Variants in DDB2 observed in about 807,000 individuals in gnomAD.
The protein encoded by DDB2 is DNA damage-binding protein 2.
In DDB2, 27 loss-of-function variants were observed where a neutral mutation model predicts 50.5. The ratio of observed to expected loss-of-function variants is 0.53; its 90% CI spans 0.39 to 0.74. The LOEUF is 0.74. Ranked by LOEUF, DDB2 falls within the 30% of genes least tolerant of loss-of-function variation. DDB2 has a pLI of 0.00. For missense variants in DDB2, 424 were observed against 545.6 expected, an observed-to-expected ratio of 0.78 and a Z score of 2.22; for synonymous variants, 176 against 205.5, an observed-to-expected ratio of 0.86 and a Z score of 1.23.
At chr11:47,231,119 C>CAAAAAAAAAAA (rs139290057) in intron 3 of DDB2, among the ~76,000 whole-genome samples, 4 of 58,370 alleles carry the variant, frequency 6.9e-5, no homozygotes, top group Non-Finnish European at 9.4e-5. Flanking sequence ...GCCTTCATCT[C>CAAAAAAAAAAA]AAAAAAAAAA....
At chr11:47,220,880 C>A (rs911069609) in intron 3 of DDB2, 2 of 152,162 alleles carry the variant, frequency 1.3e-5, no homozygotes, top group Non-Finnish European at 2.9e-5. Context: ...ATGTATGGGG[C>A]CAGGCGCAGT....
intron 3 of DDB2, among the ~76,000 whole-genome samples, chr11:47,224,217 C>T (rs1953526655): frequency 6.6e-6 from 1 of 151,872 alleles, no homozygotes; most frequent in Admixed American, 6.6e-5. Flanking sequence ...CACTAAGCTT[C>T]TTTGATTTAT....
Position 47,222,258 on chromosome 11 carries a change from A to G in DDB2, c.456+5209A>G, listed in dbSNP as rs572741981. ...AACTATATATAAATAGAATCATAGA[A>G]TATATGGTCTTTTATTTTTGTTCTA... On this transcript the variant is annotated intron_variant, in intron 3 of 9. Coordinates refer to ENST00000256996, the MANE Select transcript of DDB2 (RefSeq NM_000107.3). 4.6e-5 allele frequency among the ~76,000 whole-genome samples: 7 copies of G among 152,278 alleles called. No individual in the cohort carries two copies. In the South Asian group the frequency reaches 1.5e-3, roughly 32 times the overall value.
intron 3 of DDB2, among the ~76,000 whole-genome samples, chr11:47,222,633 C>T (rs1953502508): frequency 6.6e-6 from 1 of 152,194 alleles, no homozygotes; most frequent in Admixed American, 6.5e-5. Flanking sequence ...GGCGTGAGCC[C>T]CTGCACCCAG....
chr11:47,228,254 A>T (rs1443012703), intron 3 of DDB2, among the ~76,000 whole-genome samples: 1 of 150,720 alleles, frequency 6.6e-6, no homozygotes, highest in Non-Finnish European at 1.5e-5. Flanking sequence ...GCGACAGAGC[A>T]CAACTCTGTC....
At chr11:47,215,472 G>T (rs1360052704) in intron 1 of DDB2, 4 of 636,638 alleles carry the variant, frequency 6.3e-6, no homozygotes, top group Non-Finnish European at 1.1e-5. Context: ...GATGAGCTCC[G>T]TAACAACAGA....
chr11:47,225,680 G>A (rs1343941336), intron 3 of DDB2, among the ~76,000 whole-genome samples: 1 of 151,820 alleles, frequency 6.6e-6, no homozygotes, highest in Non-Finnish European at 1.5e-5. Context: ...GTTTAGTAAT[G>A]TTAACTATAT....
At chr11:47,221,331 T>TGA (rs1953481877) in intron 3 of DDB2, among the ~76,000 whole-genome samples, 1 of 151,732 alleles carries the variant, frequency 6.6e-6, no homozygotes, top group Non-Finnish European at 1.5e-5. Context: ...TGGAGTGCAG[T>TGA]GGTGCGATCT....
At position 47,216,369 on chromosome 11, in the gene DDB2, G is replaced by A; in HGVS notation, c.161G>A (p.Trp54Ter). The A allele has an allele frequency of 1.9e-6, 3 of 1,614,162 alleles. No individual in the cohort carries two copies. The highest frequency in any genetic ancestry group is 2.5e-6 in the Non-Finnish European group (3 of 1,180,036). ...AGAAGATGTGACTCAGACTGCCTCT[G>A]GGTGGGGCTGGCTGGCCCACAGATC... ...PSRRCDSDCL[W>*]VGLAGPQILP... The change falls in exon 2 of 10, where the codon TGG becomes TAG. Residue 54 changes from tryptophan (W) to a stop codon, truncating the protein, a stop_gained. Coordinates refer to ENST00000256996, the MANE Select transcript of DDB2 (RefSeq NM_000107.3). LOFTEE classifies it high-confidence loss of function.
intron 3 of DDB2, among the ~76,000 whole-genome samples, chr11:47,232,382 C>T (rs146929811): frequency 4.0e-5 from 6 of 151,634 alleles, no homozygotes; most frequent in South Asian, 2.1e-4. Flanking sequence ...CCAGACAAAG[C>T]GGCTCATGCC....
chr11:47,215,157 A>G lies in DDB2; in HGVS notation c.21A>G (p.Pro7=). 1 of 1,614,100 alleles carries G rather than the reference A, an allele frequency of 6.2e-7. No individual in the cohort carries two copies. The highest frequency in any genetic ancestry group is 8.5e-7 in the Non-Finnish European group (1 of 1,180,012). Residue 7 remains proline (P), a synonymous_variant, in exon 1 of 10, where the codon CCA becomes CCG. Coordinates refer to ENST00000256996, the MANE Select transcript of DDB2 (RefSeq NM_000107.3). MAPKKR[P]ETQKTSEIVL... ...ACGCGATGGCTCCCAAGAAACGCCC[A>G]GAAACCCAGAAGACCTCCGAGATTG...
intron 3 of DDB2, among the ~76,000 whole-genome samples, chr11:47,223,776 G>T (rs1426800727): frequency 6.6e-6 from 1 of 152,094 alleles, no homozygotes; most frequent in Non-Finnish European, 1.5e-5. Flanking sequence ...GCAAGACTCC[G>T]TCTAAAATAA....
chr11:47,235,685 C>T, intron 7 of DDB2: 1 of 518,900 alleles, frequency 1.9e-6, no homozygotes, highest in South Asian at 2.1e-5. Flanking sequence ...TTTCTAAGAT[C>T]CTGACCCTCT....
chr11:47,238,226 T>C, intron 9 of DDB2, 43 bp downstream of exon 9: 1 of 1,563,418 alleles, frequency 6.4e-7, no homozygotes, highest in South Asian at 1.2e-5. Flanking sequence ...AGTCCGATCC[T>C]ACTTCCCAAG....
At chr11:47,229,212 G>T (rs1485982123) in intron 3 of DDB2, among the ~76,000 whole-genome samples, 1 of 152,026 alleles carries the variant, frequency 6.6e-6, no homozygotes, top group East Asian at 1.9e-4. Flanking sequence ...TAGAGACTGG[G>T]CCCAAACAAG....
At position 47,234,628 on chromosome 11, in the gene DDB2, G is replaced by C; in HGVS notation, c.658G>C (p.Asp220His). 1 of 1,614,174 alleles carries C rather than the reference G, an allele frequency of 6.2e-7. No individual in the cohort carries two copies. The highest frequency in any genetic ancestry group is 8.5e-7 in the Non-Finnish European group (1 of 1,180,042). Reference sequence around the variant, plus strand: ...TAGTAGCCGAATGGTGGTCACAGGAGACAACGTGGGGAACGTGATCCTGCT... The same window carrying C: ...TAGTAGCCGAATGGTGGTCACAGGACACAACGTGGGGAACGTGATCCTGCT... ...SASSRMVVTG[D>H]NVGNVILLNM... The change falls in exon 5 of 10, where the codon GAC (aspartate) becomes CAC (histidine). Residue 220 changes from aspartate (D) to histidine (H), a missense_variant. Transcript: ENST00000256996.
intron 3 of DDB2, among the ~76,000 whole-genome samples, chr11:47,223,953 A>G (rs1953522787): frequency 6.6e-6 from 1 of 152,070 alleles, no homozygotes; most frequent in African/African-American, 2.4e-5. Flanking sequence ...AAAAAATCTT[A>G]AAAATTAGCT....
rs991610022 is a variant in DDB2, at chr11:47,235,255, T to C, written c.881-15T>C. ...CTTGTGGTTCCTTCAGCTCAGGGGC[T>C]TTTCACTTTGCCAGCTTGTTTCAGT... On this transcript the variant is annotated splice_polypyrimidine_tract_variant and intron_variant, in intron 6 of 9. Coordinates refer to ENST00000256996, the MANE Select transcript of DDB2 (RefSeq NM_000107.3). The C allele has an allele frequency of 2.5e-5, 40 of 1,614,030 alleles. No homozygotes were observed. The highest frequency in any genetic ancestry group is 3.1e-5 in the Non-Finnish European group (36 of 1,180,016).
intron 3 of DDB2, among the ~76,000 whole-genome samples, chr11:47,225,355 A>C (rs907412801): frequency 6.6e-6 from 1 of 151,694 alleles, no homozygotes; most frequent in African/African-American, 2.4e-5. Flanking sequence ...CACTTTGGGA[A>C]GCTGAGGTGG....
Sources: gnomAD v4.1 joint callset for allele counts (sites outside exome capture counted in the v4.1 genomes callset) on GRCh38, gnomAD v4.1.1 for gene constraint, MANE v1.5 for transcripts, NCBI Gene and HGNC (gene_info 2026-07-23, HGNC 2026-07-21) for gene names.